GULP1: variants seen among roughly 807,000 people sequenced by gnomAD.
The protein encoded by GULP1 is PTB domain-containing engulfment adapter protein 1.
Under a neutral mutation model 40.9 loss-of-function variants are expected in GULP1, and 19 were observed. The observed-to-expected ratio is 0.46, with a 90% CI of 0.32 to 0.68. The LOEUF (loss-of-function observed/expected upper bound fraction) is 0.68, where lower values mean the gene tolerates loss of function less well. Ranked by LOEUF, GULP1 falls within the 30% of genes least tolerant of loss-of-function variation. The probability of loss-of-function intolerance (pLI) is 0.03; values close to 1 mark genes in which losing one functional copy is unlikely to be tolerated. For missense variants in GULP1, 312 were observed against 362.2 expected, an observed-to-expected ratio of 0.86 and a Z score of 1.12; for synonymous variants, 119 against 117.6, an observed-to-expected ratio of 1.01 and a Z score of -0.08.
intron 7 of GULP1, among the ~76,000 whole-genome samples, chr2:188,567,930 ATTAG>A (rs1698148339): frequency 6.6e-6 from 1 of 152,158 alleles, no homozygotes; most frequent in Admixed American, 6.6e-5. Context: ...AACACAACCA[ATTAG>A]TTTAAGTCAA....
At chr2:188,346,565 T>C (rs1402066268) in intron 1 of GULP1, among the ~76,000 whole-genome samples, 2 of 151,440 alleles carry the variant, frequency 1.3e-5, no homozygotes, top group Admixed American at 1.3e-4. Context: ...CGATCTCGGG[T>C]CACTACAAGC....
At chr2:188,401,689 G>T (rs1273767449) in intron 2 of GULP1, among the ~76,000 whole-genome samples, 1 of 152,086 alleles carries the variant, frequency 6.6e-6, no homozygotes, top group African/African-American at 2.4e-5. Flanking sequence ...ATGTCCTTAG[G>T]TTAAGTAGCT....
intron 4 of GULP1, among the ~76,000 whole-genome samples, chr2:188,516,784 C>G (rs982022694): frequency 3.3e-5 from 5 of 152,290 alleles, no homozygotes; most frequent in Admixed American, 2.6e-4. Context: ...TCGAAAAACA[C>G]TATTCTAGAC....
chr2:188,297,708 TC>T (rs1362613204), intron 1 of GULP1: 1 of 251,206 alleles, frequency 4.0e-6, no homozygotes, highest in Non-Finnish European at 8.3e-6. Context: ...ACTGACTGAA[TC>T]ATTAATGATT....
At chr2:188,420,645 A>C (rs1421548169) in intron 2 of GULP1, among the ~76,000 whole-genome samples, 1 of 152,214 alleles carries the variant, frequency 6.6e-6, no homozygotes, top group African/African-American at 2.4e-5. Flanking sequence ...CTTGACAGCA[A>C]GAGGGGACCC....
intron 1 of GULP1, among the ~76,000 whole-genome samples, chr2:188,302,336 T>C (rs2036274790): frequency 6.6e-6 from 1 of 152,182 alleles, no homozygotes; most frequent in Admixed American, 6.5e-5. Context: ...AAATTTAAAA[T>C]TTTTTGAAAT....
At chr2:188,421,652 A>G (rs114622206) in intron 2 of GULP1, among the ~76,000 whole-genome samples, 4,127 of 152,334 alleles carry the variant, frequency 0.027, 90 homozygotes, top group Non-Finnish European at 0.04. Context: ...GAGTGCTAAC[A>G]TGCATATATG....
intron 7 of GULP1, among the ~76,000 whole-genome samples, chr2:188,568,399 A>C (rs1244824730): frequency 2.0e-5 from 3 of 152,202 alleles, no homozygotes. Flanking sequence ...AGTCTTTACT[A>C]TGTGCAAGAC....
chr2:188,503,060 C>T (rs192698244), intron 4 of GULP1, among the ~76,000 whole-genome samples: 9 of 151,970 alleles, frequency 5.9e-5, no homozygotes, highest in Non-Finnish European at 8.8e-5. Flanking sequence ...AAAGGTCTCA[C>T]GTTTTAATAC....
chr2:188,513,834 CTT>C (rs1279382752), intron 4 of GULP1, among the ~76,000 whole-genome samples: 2 of 152,026 alleles, frequency 1.3e-5, no homozygotes, highest in African/African-American at 4.8e-5. Flanking sequence ...GAATAACACT[CTT>C]TGATTCAATG....
intron 11 of GULP1, chr2:188,588,324 T>A: frequency 5.1e-6 from 1 of 197,354 alleles, no homozygotes; most frequent in Admixed American, 5.4e-5. Flanking sequence ...AATGGGTAGA[T>A]GAAGGAAAAT....
intron 7 of GULP1, among the ~76,000 whole-genome samples, chr2:188,548,084 C>T (rs868234320): frequency 6.6e-6 from 1 of 152,002 alleles, no homozygotes; most frequent in African/African-American, 2.4e-5. Context: ...AAACTTTTCA[C>T]TCTCTTGGCT....
intron 1 of GULP1, among the ~76,000 whole-genome samples, chr2:188,332,246 G>A (rs2041701171): frequency 1.4e-5 from 2 of 139,636 alleles, no homozygotes; most frequent in Admixed American, 1.6e-4. Flanking sequence ...CTGGAGTGCA[G>A]CGGCACAATC....
intron 9 of GULP1, among the ~76,000 whole-genome samples, chr2:188,576,509 C>T (rs577342760): frequency 3.5e-4 from 53 of 152,242 alleles, no homozygotes; most frequent in African/African-American, 1.3e-3. Context: ...ACTCCTATTT[C>T]TCACTTTCTC....
chr2:188,391,589 G>C (rs2050534259), intron 2 of GULP1, among the ~76,000 whole-genome samples: 1 of 151,800 alleles, frequency 6.6e-6, no homozygotes, highest in Non-Finnish European at 1.5e-5. Flanking sequence ...TTCCAATTTG[G>C]ATGCCCATTA....
intron 5 of GULP1, among the ~76,000 whole-genome samples, chr2:188,523,792 A>G (rs1343403581): frequency 2.0e-5 from 3 of 152,206 alleles, no homozygotes; most frequent in Non-Finnish European, 1.5e-5. Flanking sequence ...TTGAATTGGC[A>G]TGACTTCTAT....
intron 7 of GULP1, among the ~76,000 whole-genome samples, chr2:188,562,357 G>T (rs2153414475): frequency 6.6e-6 from 1 of 152,304 alleles, no homozygotes; most frequent in African/African-American, 2.4e-5. Flanking sequence ...TGTATGGAAA[G>T]TCACTCCTGG....
At chr2:188,507,539 T>A (rs1253267302) in intron 4 of GULP1, among the ~76,000 whole-genome samples, 1 of 151,894 alleles carries the variant, frequency 6.6e-6, no homozygotes, top group Non-Finnish European at 1.5e-5. Flanking sequence ...TGCTATGTTC[T>A]TGCCCATACT....
At chr2:188,396,364 C>T (rs2051273147) in intron 2 of GULP1, among the ~76,000 whole-genome samples, 1 of 152,248 alleles carries the variant, frequency 6.6e-6, no homozygotes, top group East Asian at 1.9e-4. Flanking sequence ...GGCCCAGGGG[C>T]GGTTCTTTGG....
Sources: allele counts gnomAD v4.1 joint callset (sites outside exome capture counted in the v4.1 genomes callset), GRCh38; gene constraint gnomAD v4.1.1; transcripts MANE v1.5; gene names NCBI Gene and HGNC (gene_info 2026-07-23, HGNC 2026-07-21).